The following DTNB variants were observed in gnomAD, a reference collection of about 807,000 sequenced individuals.
DTNB encodes DTN-B.
DTNB carries 63 observed loss-of-function variants against 90.7 expected under a neutral mutation model. The ratio of observed to expected loss-of-function variants is 0.69; its 90% CI spans 0.57 to 0.86. The LOEUF is 0.86. Ranked by LOEUF, DTNB falls within the 40% of genes least tolerant of loss-of-function variation. DTNB has a pLI of 0.00. For synonymous variants in DTNB, 277 were observed against 286.7 expected, an observed-to-expected ratio of 0.97 and a Z score of 0.34; for missense variants, 744 against 807.1, an observed-to-expected ratio of 0.92 and a Z score of 0.95.
intron 8 of DTNB, among the ~76,000 whole-genome samples, chr2:25,557,127 G>A (rs539242488): frequency 2.0e-5 from 3 of 152,204 alleles, no homozygotes; most frequent in Admixed American, 6.5e-5. Context: ...TTCAGGTTTA[G>A]GTAAACAAAA....
At chr2:25,611,022 T>A (rs936411051) in intron 4 of DTNB, among the ~76,000 whole-genome samples, 1 of 152,224 alleles carries the variant, frequency 6.6e-6, no homozygotes, top group East Asian at 1.9e-4. Context: ...GTAACATCTA[T>A]CCTGACTTCT....
intron 15 of DTNB, among the ~76,000 whole-genome samples, chr2:25,425,299 C>A (rs1208964916): frequency 2.0e-5 from 3 of 152,164 alleles, no homozygotes; most frequent in African/African-American, 7.2e-5. Context: ...CAACCACCAC[C>A]ACCACCAACA....
chr2:25,632,192 C>CAAAAAAAA (rs71399307), intron 3 of DTNB, among the ~76,000 whole-genome samples: 17 of 76,846 alleles, frequency 2.2e-4, no homozygotes, highest in South Asian at 5.3e-4. Flanking sequence ...GACTCTGTCT[C>CAAAAAAAA]AAAAAAAAAA....
At chr2:25,456,379 C>A (rs910466566) in intron 10 of DTNB, among the ~76,000 whole-genome samples, 9 of 152,150 alleles carry the variant, frequency 5.9e-5, no homozygotes, top group Non-Finnish European at 1.3e-4. Context: ...CACAACCTAA[C>A]ACCATTATCA....
chr2:25,443,486 A>G (rs1039219644), intron 12 of DTNB, among the ~76,000 whole-genome samples: 2 of 152,246 alleles, frequency 1.3e-5, no homozygotes, highest in African/African-American at 4.8e-5. Flanking sequence ...ATCCAGTAGC[A>G]TGCATTTCTG....
chr2:25,443,590 T>C lies in DTNB; in HGVS notation c.1257+7958A>G, dbSNP rs1250615304. Reference sequence around the variant, plus strand: ...CACCTGGTATCAGCTAGGCTTTCTTTATATTCCAGGGGCAGCCTGCCCATC... The same window carrying C: ...CACCTGGTATCAGCTAGGCTTTCTTCATATTCCAGGGGCAGCCTGCCCATC... On this transcript the variant is annotated intron_variant, in intron 12 of 20. Transcript: ENST00000406818. 3.3e-5 allele frequency among the ~76,000 whole-genome samples: 5 copies of C among 152,230 alleles called. No homozygotes were observed. The East Asian group carries it at 9.6e-4, about 29-fold the overall frequency.
chr2:25,432,912 C>T lies in DTNB; in HGVS notation c.1431G>A (p.Thr477=), dbSNP rs377303554. The part of the protein sequence containing the change: ...PTPEKAQQNP[T]LLAELRLLRQ... The stretch of plus-strand genomic sequence containing the variant: ...TCAGCAGCCGCAGCTCTGCCAGCAG[C>T]GTGGGGTTCTGCTGTGCCTTCTCAG... Residue 477 remains threonine (T), a synonymous_variant, in exon 14 of 21, where the codon ACG becomes ACA. Transcript: ENST00000406818. 86 of 1,608,912 alleles carry T rather than the reference C, an allele frequency of 5.3e-5. No individual in the cohort carries two copies. The highest frequency in any genetic ancestry group is 6.9e-5 in the Non-Finnish European group (81 of 1,178,492).
chr2:25,411,315 T>A lies in DTNB; in HGVS notation c.1575+8200A>T, dbSNP rs147378412. Among the ~76,000 whole-genome samples the A allele has an allele frequency of 1.6e-3, 243 of 151,514 alleles. 2 individuals carry two copies. Among genetic ancestry groups the A allele is most frequent in the African/African-American group, 5.5e-3 (228 of 41,244 alleles). ...CAGAGGTTGCAGTGAGCTGAGATCATGCCATTGTACTCCAGACTAGGCAAG... is the reference window on the plus strand; with the variant it reads ...CAGAGGTTGCAGTGAGCTGAGATCAAGCCATTGTACTCCAGACTAGGCAAG... On this transcript the variant is annotated intron_variant, in intron 16 of 20. Coordinates refer to ENST00000406818, the MANE Select transcript of DTNB (RefSeq NM_021907.5).
At chr2:25,650,552 G>C (rs1282628848) in intron 2 of DTNB, among the ~76,000 whole-genome samples, 1 of 152,196 alleles carries the variant, frequency 6.6e-6, no homozygotes, top group African/African-American at 2.4e-5. Context: ...GAAAAATTGG[G>C]AACTAGTGGG....
intron 10 of DTNB, among the ~76,000 whole-genome samples, chr2:25,478,528 C>G (rs1252207125): frequency 6.6e-6 from 1 of 151,868 alleles, no homozygotes. Context: ...TCTTCTTCTT[C>G]TTCTTTTTTT....
chr2:25,531,661 A>T (rs2078227703), intron 8 of DTNB, 64 bp from the exon 9 acceptor site: 1 of 1,551,748 alleles, frequency 6.4e-7, no homozygotes, highest in Non-Finnish European at 8.6e-7. Flanking sequence ...ACTTCAAAAA[A>T]GAAAAAAACT....
intron 16 of DTNB, among the ~76,000 whole-genome samples, chr2:25,411,584 T>C (rs1450289210): frequency 6.6e-6 from 1 of 151,782 alleles, no homozygotes; most frequent in Non-Finnish European, 1.5e-5. Context: ...AGGATAAAGG[T>C]TTGTGGGAGA....
chr2:25,667,398 A>G (rs1574262757), intron 1 of DTNB, among the ~76,000 whole-genome samples: 1 of 152,058 alleles, frequency 6.6e-6, no homozygotes. Flanking sequence ...CTGAGGCAGG[A>G]GAATCGCTTG....
intron 4 of DTNB, among the ~76,000 whole-genome samples, chr2:25,611,176 A>C (rs2068524457): frequency 1.3e-5 from 2 of 152,248 alleles, no homozygotes; most frequent in Admixed American, 6.5e-5. Context: ...TCATCCTGCT[A>C]TGCAGCATTC....
chr2:25,569,531 C>T (rs1172413456), intron 8 of DTNB, among the ~76,000 whole-genome samples: 1 of 152,114 alleles, frequency 6.6e-6, no homozygotes, highest in Non-Finnish European at 1.5e-5. Context: ...CTTCCTCTCC[C>T]TTTTTTCTTG....
chr2:25,480,132 A>G (rs1293710691), intron 10 of DTNB, among the ~76,000 whole-genome samples: 2 of 152,250 alleles, frequency 1.3e-5, no homozygotes, highest in African/African-American at 2.4e-5. Flanking sequence ...CACATGGTAT[A>G]TCACAATCTC....
intron 12 of DTNB, among the ~76,000 whole-genome samples, chr2:25,449,984 G>A (rs1033293896): frequency 7.9e-5 from 12 of 151,950 alleles, no homozygotes; most frequent in African/African-American, 1.9e-4. Flanking sequence ...GGATAGTCTC[G>A]ATCTCCTGAC....
At chr2:25,567,445 A>T (rs2059212181) in intron 8 of DTNB, among the ~76,000 whole-genome samples, 2 of 152,238 alleles carry the variant, frequency 1.3e-5, no homozygotes, top group Admixed American at 6.5e-5. Context: ...CTAATGCCCA[A>T]ACAACTATGC....
rs550776695 is a variant in DTNB at position 25,554,489 on chromosome 2, A to T, written c.876+22349T>A. Among the ~76,000 whole-genome samples, 62 of 152,320 alleles carry T rather than the reference A, an allele frequency of 4.1e-4. No homozygotes were observed. The South Asian group carries it at 0.012, about 30-fold the overall frequency. ...TGCTGGTAGGAGTGTAAAATAGTAA[A>T]GCCAGCTTGGAGAGTAATTTAGCAA... On this transcript the variant is annotated intron_variant, in intron 8 of 20. Coordinates refer to ENST00000406818, the MANE Select transcript of DTNB (RefSeq NM_021907.5).
Sources: allele counts gnomAD v4.1 joint callset (sites outside exome capture counted in the v4.1 genomes callset), GRCh38; gene constraint gnomAD v4.1.1; transcripts MANE v1.5; gene names NCBI Gene and HGNC (gene_info 2026-07-23, HGNC 2026-07-21).